SYT3: variants seen among roughly 807,000 people sequenced by gnomAD.
SYT3 encodes the protein synaptotagmin 3.
In SYT3, 25 loss-of-function variants were observed where a neutral mutation model predicts 50.6. The observed-to-expected ratio is 0.49, with a 90% CI of 0.36 to 0.69. SYT3 has a LOEUF of 0.69. SYT3 is among the 30% of genes least tolerant of loss of function. The probability of loss-of-function intolerance (pLI) is 0.00; values close to 1 mark genes in which losing one functional copy is unlikely to be tolerated. For synonymous variants in SYT3, 323 were observed against 353.9 expected, an observed-to-expected ratio of 0.91 and a Z score of 0.98; for missense variants, 589 against 793.6, an observed-to-expected ratio of 0.74 and a Z score of 3.10.
rs148518608 is a variant in SYT3, at chr19:50,629,381, G to T, written c.1194C>A (p.Ile398=). 6.2e-7 allele frequency: 1 copy of T among 1,613,856 alleles called. No homozygotes were observed. Among genetic ancestry groups the T allele is most frequent in the South Asian group, 1.1e-5 (1 of 91,026 alleles). Residue 398 remains isoleucine (I), a synonymous_variant, in exon 6 of 11, where the codon ATC becomes ATA. Transcript: ENST00000600079. ...DFDRFSRHDL[I]GQVVLDNLLE... ...GGAGGTTGTCCAGCACCACCTGGCCGATGAGGTCGTGCCGCGAGAAGCGGT... is the reference window on the plus strand; with the variant it reads ...GGAGGTTGTCCAGCACCACCTGGCCTATGAGGTCGTGCCGCGAGAAGCGGT...
the SYT3 span, among the ~76,000 whole-genome samples, chr19:50,645,895 C>A: frequency 1.3e-5 from 2 of 151,724 alleles, no homozygotes; most frequent in African/African-American, 4.8e-5. Context: ...AACCCAAACC[C>A]CCACAAAAAT....
chr19:50,628,016 CCTACCCAAAGAG>C (rs1212605023), intron 6 of SYT3, among the ~76,000 whole-genome samples: 2 of 151,460 alleles, frequency 1.3e-5, no homozygotes, highest in Non-Finnish European at 2.9e-5. Context: ...CATGAAGAAG[CCTACCCAAAGAG>C]CTACCCAAAA....
At position 50,625,758 on chromosome 19, in the gene SYT3, C is replaced by A; in HGVS notation, c.1402+139G>T. 1.2e-6 allele frequency: 1 copy of A among 867,170 alleles called. No individual in the cohort carries two copies. The highest frequency in any genetic ancestry group is 1.7e-6 in the Non-Finnish European group (1 of 581,034). The allele number at this position is 867,170 out of a possible 1,614,324, so 53.7% of individuals were successfully genotyped here. On this transcript the variant is annotated intron_variant, in intron 7 of 10. Transcript: ENST00000600079. This position sits in a 1 kb window ranked among gnomAD's most constrained non-coding sequence, Gnocchi z 7.5. ...CGACCCAGGAGTCCAGGCCCCTGGCCCCTCCTCCCTCAGACCCAGGAGTCC... is the reference window on the plus strand; with the variant it reads ...CGACCCAGGAGTCCAGGCCCCTGGCACCTCCTCCCTCAGACCCAGGAGTCC...
the SYT3 span, among the ~76,000 whole-genome samples, chr19:50,650,908 A>C: frequency 6.6e-6 from 1 of 152,252 alleles, no homozygotes; most frequent in African/African-American, 2.4e-5. Flanking sequence ...CACCCACGTG[A>C]CATGTAATTT....
At chr19:50,631,925 A>G (rs1984320252) in intron 4 of SYT3, among the ~76,000 whole-genome samples, 1 of 151,956 alleles carries the variant, frequency 6.6e-6, no homozygotes, top group African/African-American at 2.4e-5. Context: ...AGGTCCCACT[A>G]CCAATCCTGG....
intron 6 of SYT3, 63 bp downstream of exon 6, chr19:50,629,231 G>T (rs527970678): frequency 3.7e-6 from 5 of 1,355,398 alleles, no homozygotes; most frequent in African/African-American, 2.9e-5. Context: ...AGGGCAGGGG[G>T]CTTGCAACCC....
chr19:50,643,372 G>A (rs1297602247), upstream of SYT3, among the ~76,000 whole-genome samples: 1 of 151,518 alleles, frequency 6.6e-6, no homozygotes, highest in African/African-American at 2.4e-5. Context: ...CCCCCCGGAT[G>A]GATGTGCGTT....
Position 50,637,470 on chromosome 19 carries a change from A to C in SYT3, c.-15-44T>G. Reference sequence around the variant, plus strand: ...GGGCAAGGGTGCAGATGGGAAACAGAATGGGAGTGCAGGGTGGGCAGGTGT... The same window carrying C: ...GGGCAAGGGTGCAGATGGGAAACAGCATGGGAGTGCAGGGTGGGCAGGTGT... On this transcript the variant is annotated intron_variant, in intron 2 of 10. Transcript: ENST00000600079. The surrounding 1 kb of genome is among the most constrained non-coding windows in gnomAD (Gnocchi z 4.9). 1 of 1,541,888 alleles carries C rather than the reference A, an allele frequency of 6.5e-7. No individual in the cohort carries two copies. The highest frequency in any genetic ancestry group is 8.8e-7 in the Non-Finnish European group (1 of 1,134,642).
chr19:50,652,087 G>C, the SYT3 span, among the ~76,000 whole-genome samples: 1 of 152,114 alleles, frequency 6.6e-6, no homozygotes, highest in African/African-American at 2.4e-5. Flanking sequence ...GGGCTCAAGC[G>C]ATCCTCCTGC....
chr19:50,650,585 C>CTTGAACCCAGGAGAATT, the SYT3 span, among the ~76,000 whole-genome samples: 1 of 152,106 alleles, frequency 6.6e-6, no homozygotes, highest in African/African-American at 2.4e-5. Context: ...GCAGGAGAAT[C>CTTGAACCCAGGAGAATT]GCTTGAACCC....
upstream of SYT3, among the ~76,000 whole-genome samples, chr19:50,644,416 T>C (rs1984729427): frequency 6.6e-6 from 1 of 151,698 alleles, no homozygotes; most frequent in Non-Finnish European, 1.5e-5. Context: ...AGAGTGGGGA[T>C]GGATAGATGG....
the SYT3 span, among the ~76,000 whole-genome samples, chr19:50,655,371 C>A: frequency 5.3e-5 from 8 of 152,146 alleles, no homozygotes; most frequent in Admixed American, 5.2e-4. Flanking sequence ...GAAAACTGGG[C>A]TGGGCATAGT....
the SYT3 span, chr19:50,649,666 G>T: frequency 2.3e-6 from 2 of 858,670 alleles, no homozygotes; most frequent in African/African-American, 3.3e-5. Flanking sequence ...CCTGGAGAGC[G>T]GCCCCCTTGG....
chr19:50,627,238 T>C (rs77757123), intron 6 of SYT3, among the ~76,000 whole-genome samples: 1,916 of 152,272 alleles, frequency 0.013, 25 homozygotes, highest in South Asian at 0.03. Context: ...CTCTTCCCTC[T>C]ATCTCTCCTT....
chr19:50,626,095 C>G, intron 6 of SYT3, 78 bp from the exon 7 acceptor site: 1 of 1,530,958 alleles, frequency 6.5e-7, no homozygotes, highest in South Asian at 1.2e-5. Context: ...CCGGTCGGAG[C>G]CTCCTGCTTT....
At chr19:50,629,544 C>G (rs762018415) in intron 5 of SYT3, 32 bp from the exon 6 acceptor site, 1 of 1,589,368 alleles carries the variant, frequency 6.3e-7, no homozygotes, top group South Asian at 1.1e-5. Context: ...AGACAGACAC[C>G]GTGCCCATAA....
Position 50,632,633 on chromosome 19 carries a change from C to T in SYT3, c.327G>A (p.Leu109=). 6.3e-7 allele frequency: 1 copy of T among 1,581,376 alleles called. No individual in the cohort carries two copies. Among genetic ancestry groups the T allele is most frequent in the Non-Finnish European group, 8.6e-7 (1 of 1,163,602 alleles). ...DLGPGVGLAG[L]VGGGGHHLAA... ...CCAGGTGGTGCCCGCCTCCGCCTAC[C>T]AGGCCTGCCAGCCCGACACCAGGGC... The change falls in exon 4 of 11, where the codon CTG becomes CTA. Residue 109 remains leucine, a synonymous_variant. Transcript: ENST00000600079. This position sits in a 1 kb window ranked among gnomAD's most constrained non-coding sequence, Gnocchi z 4.7.
At chr19:50,649,879 A>G in the SYT3 span, 1 of 465,372 alleles carries the variant, frequency 2.1e-6, no homozygotes, top group Non-Finnish European at 4.3e-6. Flanking sequence ...TTCCATTTTC[A>G]AATGGCCCCA....
the SYT3 span, among the ~76,000 whole-genome samples, chr19:50,652,578 C>G: frequency 2.0e-4 from 31 of 152,200 alleles, no homozygotes; most frequent in African/African-American, 5.8e-4. Context: ...GAGTCCAAGT[C>G]GCAGAAAAAC....
Sources: gnomAD v4.1 joint callset for allele counts (sites outside exome capture counted in the v4.1 genomes callset) on GRCh38, gnomAD v4.1.1 for gene constraint, Gnocchi (gnomAD v3.1) non-coding constraint, MANE v1.5 for transcripts, NCBI Gene and HGNC (gene_info 2026-07-23, HGNC 2026-07-21) for gene names.